Variants in BLNK observed in about 807,000 individuals in gnomAD.
BLNK encodes B-cell linker protein.
Under a neutral mutation model 73.5 loss-of-function variants are expected in BLNK, and 29 were observed. The ratio of observed to expected loss-of-function variants is 0.39; its 90% CI spans 0.29 to 0.54. The LOEUF is 0.54. Among genes scored for constraint, BLNK ranks in the 20% least tolerant of loss-of-function variants. The probability of loss-of-function intolerance (pLI) is 0.61; values close to 1 mark genes in which losing one functional copy is unlikely to be tolerated. For missense variants in BLNK, 460 were observed against 562.8 expected (o/e 0.82, Z 1.85); for synonymous variants, 176 against 200.8 (o/e 0.88, Z 1.04).
intron 1 of BLNK, among the ~76,000 whole-genome samples, chr10:96,264,299 C>A (rs1278732253): frequency 1.2e-4 from 18 of 152,124 alleles, no homozygotes; most frequent in Admixed American, 1.2e-3. Context: ...AGTAGCGGTA[C>A]CTCTCTGACC....
intron 12 of BLNK, 44 bp from the exon 13 acceptor site, chr10:96,204,132 T>C: frequency 1.2e-6 from 2 of 1,608,266 alleles, no homozygotes; most frequent in South Asian, 1.1e-5. Flanking sequence ...AAGCACAATA[T>C]GAGTAAGTTT....
chr10:96,217,614 A>G (rs1554900149), intron 6 of BLNK, among the ~76,000 whole-genome samples: 1 of 152,108 alleles, frequency 6.6e-6, no homozygotes, highest in East Asian at 1.9e-4. Flanking sequence ...TTCTTTGGAG[A>G]CATGTCTATT....
chr10:96,264,632 A>T (rs1488729901), intron 1 of BLNK, among the ~76,000 whole-genome samples: 1 of 152,204 alleles, frequency 6.6e-6, no homozygotes, highest in Non-Finnish European at 1.5e-5. Context: ...TAGAGCTGGA[A>T]AAAAGTCTTT....
chr10:96,209,130 C>T (rs1166551549), intron 9 of BLNK, among the ~76,000 whole-genome samples: 1 of 152,166 alleles, frequency 6.6e-6, no homozygotes, highest in Non-Finnish European at 1.5e-5. Flanking sequence ...CTGTCACTTT[C>T]GAGAGGAACT....
chr10:96,200,728 A>T lies in BLNK; in HGVS notation c.1011+254T>A, dbSNP rs587752434. Among the ~76,000 whole-genome samples, 1 of 152,018 alleles carries T rather than the reference A, an allele frequency of 6.6e-6. No individual in the cohort carries two copies. The highest frequency in any genetic ancestry group is 1.5e-5 in the Non-Finnish European group (1 of 68,006). ...AAATTACAAAGTTTAAATAAAATCT[A>T]TGTGAGAGGAAGAATAATGAAAACA... is the stretch of plus-strand genomic sequence containing the variant. On this transcript the variant is annotated intron_variant, in intron 14 of 16. Transcript: ENST00000224337. This position sits in a 1 kb window ranked among gnomAD's most constrained non-coding sequence, Gnocchi z 4.3.
chr10:96,259,670 C>CTTTTTTTTTTTTT (rs57821919), intron 1 of BLNK, among the ~76,000 whole-genome samples: 1 of 44,870 alleles, frequency 2.2e-5, no homozygotes, highest in African/African-American at 9.7e-5. Flanking sequence ...CACACCCTAC[C>CTTTTTTTTTTTTT]TTTTTTTTTT....
chr10:96,271,428 A>G lies in BLNK; in HGVS notation c.-30T>C. 6.2e-7 allele frequency: 1 copy of G among 1,612,494 alleles called. No individual in the cohort carries two copies. The highest frequency in any genetic ancestry group is 8.5e-7 in the Non-Finnish European group (1 of 1,178,494). The stretch of plus-strand genomic sequence containing the variant: ...TTTGGTAATTGTAAGAGACACGAAT[A>G]ACTGTCCAGTGGTCACGTCAGCAGT... On this transcript the variant is annotated 5_prime_UTR_variant, in exon 1 of 17. Coordinates refer to ENST00000224337, the MANE Select transcript of BLNK (RefSeq NM_013314.4).
At chr10:96,203,100 A>G (rs1196096757) in intron 13 of BLNK, among the ~76,000 whole-genome samples, 1 of 152,214 alleles carries the variant, frequency 6.6e-6, no homozygotes, top group African/African-American at 2.4e-5. Flanking sequence ...TCATGAGGAC[A>G]GGGTCTTTAT....
chr10:96,268,974 G>C (rs1341445137), intron 1 of BLNK, among the ~76,000 whole-genome samples: 1 of 152,188 alleles, frequency 6.6e-6, no homozygotes, highest in Non-Finnish European at 1.5e-5. Flanking sequence ...AGTCAGGACA[G>C]AGGACACAAA....
chr10:96,230,241 A>G (rs587713036), intron 4 of BLNK, among the ~76,000 whole-genome samples: 6 of 152,294 alleles, frequency 3.9e-5, no homozygotes, highest in South Asian at 2.1e-4. Flanking sequence ...AGCTCTGCTA[A>G]TGTTCTCTTG....
At position 96,270,691 on chromosome 10, in the gene BLNK, A is replaced by G. The variant is rs191447093; in HGVS notation, c.47+661T>C. 2.5e-3 allele frequency among the ~76,000 whole-genome samples: 387 copies of G among 152,320 alleles called. 1 individual carries two copies. The highest frequency in any genetic ancestry group is 4.1e-3 in the Non-Finnish European group (282 of 68,022). ...TTAAAAGTTCCAGTCTCTGAAAGCC[A>G]TGATGCCATTACAATGAGACAAAAA... is the stretch of plus-strand genomic sequence containing the variant. On this transcript the variant is annotated intron_variant, in intron 1 of 16. Transcript: ENST00000224337.
At chr10:96,232,553 C>T (rs1430226886) in intron 3 of BLNK, among the ~76,000 whole-genome samples, 1 of 152,112 alleles carries the variant, frequency 6.6e-6, no homozygotes, top group African/African-American at 2.4e-5. Context: ...ACATTTTAAG[C>T]AATGGCGGCA....
chr10:96,259,611 A>C (rs7076424), intron 1 of BLNK, among the ~76,000 whole-genome samples: 109,404 of 147,880 alleles, frequency 0.74, 43,750 homozygotes, highest in Non-Finnish European at 0.9. Context: ...GTTTCTTACT[A>C]TCCACTTATT....
At chr10:96,207,077 G>T in intron 10 of BLNK, 24 bp from the exon 11 acceptor site, 1 of 1,604,136 alleles carries the variant, frequency 6.2e-7, no homozygotes, top group Non-Finnish European at 8.5e-7. Flanking sequence ...AAAAAGGCAA[G>T]GTTATTCAAT....
At chr10:96,196,826 A>T in intron 16 of BLNK, 82 bp downstream of exon 16, 1 of 1,370,250 alleles carries the variant, frequency 7.3e-7, no homozygotes, top group South Asian at 1.2e-5. Flanking sequence ...CTTTCTCCTC[A>T]TCTCTAGCAT....
intron 1 of BLNK, among the ~76,000 whole-genome samples, chr10:96,264,366 G>A (rs1843894205): frequency 6.6e-6 from 1 of 152,150 alleles, no homozygotes; most frequent in South Asian, 2.1e-4. Context: ...TCCTTAGTGA[G>A]GCTCTGTCTA....
At chr10:96,197,454 A>G (rs1186130090) in intron 15 of BLNK, among the ~76,000 whole-genome samples, 1 of 152,154 alleles carries the variant, frequency 6.6e-6, no homozygotes, top group African/African-American at 2.4e-5. Context: ...ACTGGCATGC[A>G]CCACCATGCC....
chr10:96,201,896 A>AT, intron 13 of BLNK, among the ~76,000 whole-genome samples: 1 of 152,198 alleles, frequency 6.6e-6, no homozygotes, highest in African/African-American at 2.4e-5. Flanking sequence ...CATAAGTAAA[A>AT]AATATATATA....
intron 1 of BLNK, among the ~76,000 whole-genome samples, chr10:96,263,248 T>G (rs1446093889): frequency 1.3e-5 from 2 of 152,176 alleles, no homozygotes; most frequent in African/African-American, 4.8e-5. Flanking sequence ...CAGGACCCTG[T>G]GCGACTGTAT....
Sources: gnomAD v4.1 joint callset for allele counts (sites outside exome capture counted in the v4.1 genomes callset) on GRCh38, gnomAD v4.1.1 for gene constraint, Gnocchi (gnomAD v3.1) non-coding constraint, MANE v1.5 for transcripts, NCBI Gene and HGNC (gene_info 2026-07-23, HGNC 2026-07-21) for gene names.